Variants in SYT10 observed in about 807,000 individuals in gnomAD.
The protein encoded by SYT10 is synaptotagmin 10, also known as synaptotagmin-10.
A neutral mutation model predicts 51.1 loss-of-function variants in SYT10; 31 were observed. That is an observed-to-expected ratio of 0.61 (90% confidence interval 0.46 to 0.82). The LOEUF is 0.82. Among genes scored for constraint, SYT10 ranks in the 40% least tolerant of loss-of-function variants. SYT10 has a pLI of 0.00. For synonymous variants in SYT10, 233 were observed against 225.9 expected, an observed-to-expected ratio of 1.03 and a Z score of -0.28; for missense variants, 603 against 634.0, an observed-to-expected ratio of 0.95 and a Z score of 0.53.
chr12:33,423,273 G>C (rs535830567), intron 2 of SYT10, among the ~76,000 whole-genome samples: 1 of 151,914 alleles, frequency 6.6e-6, no homozygotes, highest in Non-Finnish European at 1.5e-5. Context: ...TACTAATAAG[G>C]TGAGGAAACA....
intron 2 of SYT10, among the ~76,000 whole-genome samples, chr12:33,424,327 C>CA (rs899720612): frequency 6.6e-6 from 1 of 151,798 alleles, no homozygotes; most frequent in Non-Finnish European, 1.5e-5. Flanking sequence ...TCTGAGGTTC[C>CA]AAAAAAACAT....
chr12:33,417,323 T>C (rs1171898204), intron 2 of SYT10, among the ~76,000 whole-genome samples: 1 of 149,392 alleles, frequency 6.7e-6, no homozygotes, highest in Non-Finnish European at 1.5e-5. Flanking sequence ...AGCTGCTGGC[T>C]TTATAAGAAG....
intron 2 of SYT10, chr12:33,407,903 C>T (rs1399957491): frequency 2.6e-5 from 4 of 152,244 alleles, no homozygotes; most frequent in African/African-American, 4.8e-5. Context: ...AGCCACAACA[C>T]GTGGCTGGCC....
chr12:33,434,874 G>A (rs1866625572), intron 1 of SYT10, among the ~76,000 whole-genome samples: 1 of 152,074 alleles, frequency 6.6e-6, no homozygotes, highest in Non-Finnish European at 1.5e-5. Context: ...TCAAGGCACT[G>A]AAGATAAAAC....
At position 33,397,519 on chromosome 12, in the gene SYT10, G is replaced by A. The variant is rs192646855; in HGVS notation, c.1077+9270C>T. On this transcript the variant is annotated intron_variant, in intron 3 of 6. Coordinates refer to ENST00000228567, the MANE Select transcript of SYT10 (RefSeq NM_198992.4). The stretch of plus-strand genomic sequence containing the variant: ...ATATATTTCCCAAGGTCATTCTTCC[G>A]CCCTTTCTGTCTTGCCTCAGGACAG... Among the ~76,000 whole-genome samples, 124 of 152,206 alleles carry A rather than the reference G, an allele frequency of 8.1e-4. 1 individual carries two copies. The highest frequency in any genetic ancestry group is 1.3e-3 in the Non-Finnish European group (85 of 67,998).
At chr12:33,379,189 C>G (rs1866091888) in intron 6 of SYT10, among the ~76,000 whole-genome samples, 1 of 151,810 alleles carries the variant, frequency 6.6e-6, no homozygotes, top group African/African-American at 2.4e-5. Context: ...TTTAGTTTTA[C>G]TCTGAGTTTA....
At position 33,439,461 on chromosome 12, in the gene SYT10, G is replaced by T; in HGVS notation, c.62C>A (p.Thr21Asn). ...CACCTGGCCGGCGAAGCACAGCTCG[G>T]TGACGATGTGCAGAGCCTTCTGGCA... ...SLCQKALHIV[T>N]ELCFAGQVEW... Residue 21 changes from threonine (T) to asparagine (N), a missense_variant, in exon 1 of 7, where the codon ACC (threonine) becomes AAC (asparagine). Thr to Asn is a moderately conservative substitution (Grantham distance 65). Coordinates refer to ENST00000228567, the MANE Select transcript of SYT10 (RefSeq NM_198992.4). 1 of 1,614,228 alleles carries T rather than the reference G, an allele frequency of 6.2e-7. No individual in the cohort carries two copies. The highest frequency in any genetic ancestry group is 8.5e-7 in the Non-Finnish European group (1 of 1,180,020).
Position 33,439,403 on chromosome 12 carries a change from C to T in SYT10, c.120G>A (p.Arg40=). The T allele has an allele frequency of 6.2e-7, 1 of 1,614,066 alleles. No homozygotes were observed. Among genetic ancestry groups the T allele is most frequent in the Non-Finnish European group, 8.5e-7 (1 of 1,180,010 alleles). Residue 40 remains arginine (R), a synonymous_variant, in exon 1 of 7, where the codon CGG becomes CGA. Transcript: ENST00000228567. ...EWEKCSGIFP[R]DRGSQGGSST... ...TGCTTCCGCCCTGGCTGCCCCTGTC[C>T]CGAGGGAAGATGCCCGAGCACTTCT...
chr12:33,392,337 T>C (rs954501163), intron 3 of SYT10, among the ~76,000 whole-genome samples: 3 of 152,196 alleles, frequency 2.0e-5, no homozygotes, highest in African/African-American at 7.2e-5. Flanking sequence ...AGAAGCAATT[T>C]GATGGAGTAC....
At position 33,393,731 on chromosome 12, in the gene SYT10, G is replaced by A. The variant is rs138768226; in HGVS notation, c.1078-8440C>T. Among the ~76,000 whole-genome samples, 8 of 152,096 alleles carry A rather than the reference G, an allele frequency of 5.3e-5. No homozygotes were observed. The East Asian group carries it at 5.8e-4, about 11-fold the overall frequency. On this transcript the variant is annotated intron_variant, in intron 3 of 6. Transcript: ENST00000228567. ...GAAGACTCTAGATGACCTGACTCTCGGCTATCTCTCTGATTTCATCTCCCA... is the reference window on the plus strand; with the variant it reads ...GAAGACTCTAGATGACCTGACTCTCAGCTATCTCTCTGATTTCATCTCCCA...
chr12:33,383,016 G>A (rs1225200626), intron 4 of SYT10, among the ~76,000 whole-genome samples: 1 of 152,030 alleles, frequency 6.6e-6, no homozygotes, highest in Non-Finnish European at 1.5e-5. Context: ...TGCCAATTAC[G>A]GGGGAAAAAT....
chr12:33,437,168 T>C (rs1211011302), intron 1 of SYT10, among the ~76,000 whole-genome samples: 1 of 152,254 alleles, frequency 6.6e-6, no homozygotes, highest in Non-Finnish European at 1.5e-5. Context: ...GAAAAACGTA[T>C]AGCAATCTTG....
intron 1 of SYT10, among the ~76,000 whole-genome samples, chr12:33,433,975 C>T (rs1026096198): frequency 2.0e-5 from 3 of 152,116 alleles, no homozygotes; most frequent in African/African-American, 7.2e-5. Flanking sequence ...AATTTCTTTG[C>T]CTTAGTTTTC....
rs559919485 is a variant in SYT10 at position 33,395,229 on chromosome 12, G to C, written c.1078-9938C>G. 4.5e-4 allele frequency among the ~76,000 whole-genome samples: 68 copies of C among 152,322 alleles called. No homozygotes were observed. In the South Asian group the frequency reaches 0.013, roughly 29 times the overall value. On this transcript the variant is annotated intron_variant, in intron 3 of 6. Transcript: ENST00000228567. ...TATATTTCTTTGAAAAAGTTTTTTA[G>C]AAATTAGAAAATCAGATACTTGATT...
intron 1 of SYT10, 47 bp downstream of exon 1, chr12:33,439,325 G>C: frequency 6.3e-7 from 1 of 1,576,154 alleles, no homozygotes; most frequent in Non-Finnish European, 8.6e-7. Context: ...CCTAGCGCGC[G>C]GGGTCCCAGC....
chr12:33,419,684 AT>A (rs1323362843), intron 2 of SYT10, among the ~76,000 whole-genome samples: 3 of 151,494 alleles, frequency 2.0e-5, no homozygotes, highest in East Asian at 1.9e-4. Context: ...GTTTAAAAAA[AT>A]ATGACATAAA....
At chr12:33,389,434 G>T (rs894683564) in intron 3 of SYT10, among the ~76,000 whole-genome samples, 1 of 151,948 alleles carries the variant, frequency 6.6e-6, no homozygotes, top group Admixed American at 6.5e-5. Flanking sequence ...TAAAGTGCCT[G>T]GTGTAAACAG....
At chr12:33,387,266 T>A (rs780696977) in intron 3 of SYT10, among the ~76,000 whole-genome samples, 5 of 152,224 alleles carry the variant, frequency 3.3e-5, no homozygotes, top group Non-Finnish European at 7.3e-5. Flanking sequence ...TAAATTTGTG[T>A]TTGACCCCCA....
intron 2 of SYT10, among the ~76,000 whole-genome samples, chr12:33,414,210 C>T (rs1297176054): frequency 1.3e-5 from 2 of 152,128 alleles, no homozygotes; most frequent in African/African-American, 4.8e-5. Context: ...TACAAAGAGA[C>T]TTAGACTCCC....
Sources: gnomAD v4.1 joint callset for allele counts (sites outside exome capture counted in the v4.1 genomes callset) on GRCh38, gnomAD v4.1.1 for gene constraint, MANE v1.5 for transcripts, NCBI Gene and HGNC (gene_info 2026-07-23, HGNC 2026-07-21) for gene names.